The following KCNH8 variants were observed in gnomAD, a reference collection of about 807,000 sequenced individuals.
KCNH8 encodes voltage-gated delayed rectifier potassium channel KCNH8.
Under a neutral mutation model 103.6 loss-of-function variants are expected in KCNH8, and 70 were observed. The ratio of observed to expected loss-of-function variants is 0.68; its 90% CI spans 0.56 to 0.82. The LOEUF (loss-of-function observed/expected upper bound fraction) is 0.82. KCNH8 is among the 40% of genes least tolerant of loss of function. The pLI is 0.00. For synonymous variants in KCNH8, 498 were observed against 489.4 expected (o/e 1.02, Z -0.23); for missense variants, 1,217 against 1,329.9 (o/e 0.92, Z 1.32).
At chr3:19,506,286 G>A (rs888026415) in intron 11 of KCNH8, among the ~76,000 whole-genome samples, 1 of 152,106 alleles carries the variant, frequency 6.6e-6, no homozygotes, top group Non-Finnish European at 1.5e-5. Flanking sequence ...TGTGTGGGCT[G>A]GTGTTCCTTT....
chr3:19,321,317 T>C (rs889504030), intron 3 of KCNH8, among the ~76,000 whole-genome samples: 2 of 152,082 alleles, frequency 1.3e-5, no homozygotes, highest in African/African-American at 4.8e-5. Flanking sequence ...ATGTGAACAT[T>C]TAATGGTATG....
At chr3:19,507,820 C>G (rs2068721505) in intron 11 of KCNH8, among the ~76,000 whole-genome samples, 1 of 152,160 alleles carries the variant, frequency 6.6e-6, no homozygotes, top group African/African-American at 2.4e-5. Flanking sequence ...CAGGGAGGGG[C>G]AAGGGCTGCA....
At chr3:19,233,058 T>C (rs1166896926) in intron 1 of KCNH8, among the ~76,000 whole-genome samples, 2 of 125,770 alleles carry the variant, frequency 1.6e-5, no homozygotes, top group Non-Finnish European at 3.2e-5. Context: ...GTCTTGATAT[T>C]CCTCCCCCCC....
intron 2 of KCNH8, among the ~76,000 whole-genome samples, chr3:19,271,683 A>G (rs1374158726): frequency 6.6e-6 from 1 of 152,204 alleles, no homozygotes; most frequent in Non-Finnish European, 1.5e-5. Flanking sequence ...TAACCATGAG[A>G]ATTAGCCATA....
At chr3:19,320,613 T>G (rs1315517149) in intron 3 of KCNH8, among the ~76,000 whole-genome samples, 2 of 151,970 alleles carry the variant, frequency 1.3e-5, no homozygotes, top group Non-Finnish European at 2.9e-5. Context: ...GCATCTGTGT[T>G]GATCAGGGAT....
intron 15 of KCNH8, among the ~76,000 whole-genome samples, chr3:19,530,227 C>G (rs914612453): frequency 6.6e-6 from 1 of 152,104 alleles, no homozygotes; most frequent in Non-Finnish European, 1.5e-5. Flanking sequence ...GAGTAAGTGC[C>G]ACTGTTTGAC....
At chr3:19,175,482 TACAGGCGTGAGCCCCCG>T (rs2063390442) in intron 1 of KCNH8, among the ~76,000 whole-genome samples, 2 of 152,226 alleles carry the variant, frequency 1.3e-5, no homozygotes, top group Admixed American at 1.3e-4. Context: ...GTGCTAGGAT[TACAGGCGTGAGCCCCCG>T]CGCCCGGCCA....
chr3:19,481,714 C>A (rs541415436), intron 11 of KCNH8, among the ~76,000 whole-genome samples: 1 of 152,156 alleles, frequency 6.6e-6, no homozygotes, highest in Admixed American at 6.5e-5. Context: ...CTATTTGGGT[C>A]GGCTTTATGG....
intron 3 of KCNH8, among the ~76,000 whole-genome samples, chr3:19,332,187 T>C (rs1425247239): frequency 2.0e-5 from 3 of 152,140 alleles, no homozygotes; most frequent in African/African-American, 7.2e-5. Flanking sequence ...TTGCTTTGCT[T>C]TTGTTAAAAA....
chr3:19,270,990 G>A (rs1034427664), intron 2 of KCNH8, among the ~76,000 whole-genome samples: 8 of 151,998 alleles, frequency 5.3e-5, no homozygotes, highest in Non-Finnish European at 1.2e-4. Flanking sequence ...TTCTTAAAAA[G>A]GACTTGGTCA....
At chr3:19,399,787 A>G (rs2066581960) in intron 7 of KCNH8, among the ~76,000 whole-genome samples, 1 of 151,968 alleles carries the variant, frequency 6.6e-6, no homozygotes, top group African/African-American at 2.4e-5. Context: ...CAATACTCTT[A>G]AAGTCTAGTG....
At chr3:19,370,031 C>T (rs2066066117) in intron 5 of KCNH8, among the ~76,000 whole-genome samples, 1 of 152,034 alleles carries the variant, frequency 6.6e-6, no homozygotes, top group South Asian at 2.1e-4. Flanking sequence ...TCCCTTCCAT[C>T]ACTTGCTACT....
intron 3 of KCNH8, among the ~76,000 whole-genome samples, chr3:19,322,030 T>A (rs1300490440): frequency 1.3e-5 from 2 of 152,080 alleles, no homozygotes; most frequent in Non-Finnish European, 2.9e-5. Flanking sequence ...TGGTGTCCAT[T>A]TTCATAGAAT....
intron 1 of KCNH8, among the ~76,000 whole-genome samples, chr3:19,168,291 T>C (rs781374318): frequency 5.9e-5 from 9 of 152,082 alleles, no homozygotes; most frequent in Non-Finnish European, 1.3e-4. Context: ...TCTCCCAAAG[T>C]GCTGGGATTA....
chr3:19,466,069 C>T (rs1308771073), intron 11 of KCNH8, among the ~76,000 whole-genome samples: 2 of 151,948 alleles, frequency 1.3e-5, no homozygotes, highest in East Asian at 3.9e-4. Context: ...CATGCACGGG[C>T]ATGCACCACC....
intron 5 of KCNH8, among the ~76,000 whole-genome samples, chr3:19,390,023 ATCAGAGTAACACTGTCTACT>A (rs1384620482): frequency 6.6e-6 from 1 of 152,078 alleles, no homozygotes; most frequent in Admixed American, 6.6e-5. Context: ...TGACTCTTTA[ATCAGAGTAACACTGTCTACT>A]TCAGGAGATG....
intron 3 of KCNH8, among the ~76,000 whole-genome samples, chr3:19,338,382 C>A (rs1289432848): frequency 6.6e-6 from 1 of 152,008 alleles, no homozygotes; most frequent in Non-Finnish European, 1.5e-5. Context: ...CCATATCAAG[C>A]AGTTTGTTCC....
chr3:19,211,065 C>T (rs920562167), intron 1 of KCNH8, among the ~76,000 whole-genome samples: 2 of 152,134 alleles, frequency 1.3e-5, no homozygotes, highest in Non-Finnish European at 1.5e-5. Context: ...GTCCCATTGA[C>T]CACATATTTT....
chr3:19,182,379 A>C (rs959115795), intron 1 of KCNH8, among the ~76,000 whole-genome samples: 21 of 151,884 alleles, frequency 1.4e-4, no homozygotes, highest in African/African-American at 3.6e-4. Flanking sequence ...AAATACAAAA[A>C]AATTAGCCAG....
Sources: gnomAD v4.1 joint callset for allele counts (sites outside exome capture counted in the v4.1 genomes callset) on GRCh38, gnomAD v4.1.1 for gene constraint, MANE v1.5 for transcripts, NCBI Gene and HGNC (gene_info 2026-07-23, HGNC 2026-07-21) for gene names.